The following FBXO36 variants were observed in gnomAD, a reference collection of about 807,000 sequenced individuals.
FBXO36 encodes the protein F-box protein 36.
FBXO36 carries 18 observed loss-of-function variants against 17.0 expected under a neutral mutation model. That is an observed-to-expected ratio of 1.06 (90% CI 0.73 to 1.57). The LOEUF (loss-of-function observed/expected upper bound fraction) is 1.57, where lower values mean the gene tolerates loss of function less well. FBXO36 is among the 40% of genes most tolerant of loss of function. FBXO36 has a pLI of 0.00. For missense variants in FBXO36, 229 were observed against 221.9 expected (o/e 1.03, Z -0.20); for synonymous variants, 83 against 85.3 (o/e 0.97, Z 0.15).
At chr2:229,981,854 C>G (rs2077242211) in intron 2 of FBXO36, among the ~76,000 whole-genome samples, 1 of 151,932 alleles carries the variant, frequency 6.6e-6, no homozygotes, top group African/African-American at 2.4e-5. Context: ...GTTTAATTGG[C>G]TCATGGTTTT....
intron 1 of FBXO36, among the ~76,000 whole-genome samples, chr2:229,942,515 T>A (rs2077004726): frequency 6.6e-6 from 1 of 152,180 alleles, no homozygotes; most frequent in Non-Finnish European, 1.5e-5. Context: ...TTAGAAGTCA[T>A]GGCTGCTGAG....
At chr2:229,962,887 G>A (rs968634024) in intron 1 of FBXO36, among the ~76,000 whole-genome samples, 9 of 151,598 alleles carry the variant, frequency 5.9e-5, no homozygotes, top group Admixed American at 2.6e-4. Flanking sequence ...ATGTTAGCCA[G>A]GCTGGTCTCA....
intron 2 of FBXO36, among the ~76,000 whole-genome samples, chr2:229,987,065 A>T (rs1282003835): frequency 2.0e-5 from 3 of 151,552 alleles, no homozygotes; most frequent in Non-Finnish European, 4.4e-5. Context: ...TAAAAATATA[A>T]AAAAATTAGC....
At chr2:229,999,785 A>G (rs1343693238) in intron 3 of FBXO36, among the ~76,000 whole-genome samples, 2 of 152,012 alleles carry the variant, frequency 1.3e-5, no homozygotes, top group Admixed American at 6.6e-5. Context: ...TTTTTTGTAC[A>G]GATTATTTAA....
At chr2:229,988,949 A>ATATTATCTGCAT (rs1258155127) in intron 2 of FBXO36, among the ~76,000 whole-genome samples, 1 of 151,374 alleles carries the variant, frequency 6.6e-6, no homozygotes, top group African/African-American at 2.4e-5. Flanking sequence ...ATCTGCATAT[A>ATATTATCTGCAT]ATATTTCTTT....
intron 2 of FBXO36, among the ~76,000 whole-genome samples, chr2:229,982,825 A>G (rs1040728709): frequency 1.3e-5 from 2 of 150,696 alleles, no homozygotes; most frequent in Non-Finnish European, 2.9e-5. Flanking sequence ...TCACATCTGC[A>G]CAGTTACTTT....
intron 1 of FBXO36, among the ~76,000 whole-genome samples, chr2:229,949,075 C>T (rs192766680): frequency 1.3e-5 from 2 of 152,252 alleles, no homozygotes; most frequent in East Asian, 1.9e-4. Context: ...CCTCGTGATC[C>T]GCCCGCCTTG....
chr2:229,936,158 C>T (rs2076962774), intron 1 of FBXO36, among the ~76,000 whole-genome samples: 1 of 152,158 alleles, frequency 6.6e-6, no homozygotes, highest in Admixed American at 6.5e-5. Flanking sequence ...GCACTCCAGC[C>T]TGGGCAACAA....
At chr2:229,931,260 G>A (rs1343569087) in intron 1 of FBXO36, among the ~76,000 whole-genome samples, 1 of 152,172 alleles carries the variant, frequency 6.6e-6, no homozygotes, top group African/African-American at 2.4e-5. Context: ...CATAGTTCCA[G>A]TATCACCTTT....
chr2:229,971,214 G>A (rs749084976), intron 1 of FBXO36, among the ~76,000 whole-genome samples: 1 of 151,992 alleles, frequency 6.6e-6, no homozygotes, highest in Non-Finnish European at 1.5e-5. Flanking sequence ...AATTAGCCAG[G>A]CATGGTGGTG....
intron 1 of FBXO36, among the ~76,000 whole-genome samples, chr2:229,946,119 G>T (rs1490219554): frequency 6.6e-6 from 1 of 152,110 alleles, no homozygotes; most frequent in Non-Finnish European, 1.5e-5. Context: ...GGTTGTGGTG[G>T]AGGGAAGGAA....
chr2:229,998,252 G>T (rs1454887084), intron 3 of FBXO36, among the ~76,000 whole-genome samples: 1 of 151,964 alleles, frequency 6.6e-6, no homozygotes, highest in Non-Finnish European at 1.5e-5. Flanking sequence ...AGGGAGGATT[G>T]GTTGAGCCTA....
At chr2:229,978,066 A>G (rs2077219258) in intron 2 of FBXO36, among the ~76,000 whole-genome samples, 1 of 152,140 alleles carries the variant, frequency 6.6e-6, no homozygotes, top group South Asian at 2.1e-4. Flanking sequence ...AGCCTTGGCA[A>G]CAGAGTGAGA....
chr2:229,922,539 T>C lies in FBXO36; in HGVS notation c.26T>C (p.Leu9Pro). ...ATGGCGTCGTGGCTGCCGGAGACTC[T>C]CTTTGAAACTGTAGGACAAGGCCCG... MASWLPETLFETVGQGPPP... is the reference protein window; with the variant it reads MASWLPETPFETVGQGPPP... The change falls in exon 1 of 4, where the codon CTC becomes CCC. Residue 9 changes from leucine to proline, a missense_variant. Leu to Pro is a moderately conservative substitution (Grantham distance 98, BLOSUM62 -3). Transcript: ENST00000283946. The C allele has an allele frequency of 6.2e-7, 1 of 1,613,936 alleles. No homozygotes were observed. Among genetic ancestry groups the C allele is most frequent in the Non-Finnish European group, 8.5e-7 (1 of 1,179,984 alleles).
intron 1 of FBXO36, among the ~76,000 whole-genome samples, chr2:229,927,379 G>C (rs2076918775): frequency 6.6e-6 from 1 of 152,018 alleles, no homozygotes; most frequent in African/African-American, 2.4e-5. Context: ...TTTAGAAGAA[G>C]CAAAAAATCA....
At chr2:229,933,070 C>A (rs2076947406) in intron 1 of FBXO36, among the ~76,000 whole-genome samples, 1 of 151,610 alleles carries the variant, frequency 6.6e-6, no homozygotes, top group Non-Finnish European at 1.5e-5. Flanking sequence ...GATTCCGTCT[C>A]AAAAAAAGAA....
At chr2:229,934,000 A>C (rs1445637915) in intron 1 of FBXO36, among the ~76,000 whole-genome samples, 1 of 152,110 alleles carries the variant, frequency 6.6e-6, no homozygotes, top group African/African-American at 2.4e-5. Flanking sequence ...TTTAAAAAAA[A>C]ATACACAAAC....
At chr2:229,952,556 A>G (rs2077062419) in intron 1 of FBXO36, among the ~76,000 whole-genome samples, 1 of 152,170 alleles carries the variant, frequency 6.6e-6, no homozygotes, top group African/African-American at 2.4e-5. Flanking sequence ...GTGGCTGAGC[A>G]AACCTCCGCC....
chr2:229,996,776 A>G lies in FBXO36; in HGVS notation c.231A>G (p.Ala77=). ...LQGQTALIFG[A]RILDYVINLC... is the part of the protein sequence containing the mutation. ...GTCAAACTGCCTTAATATTTGGTGC[A>G]AGAATATTAGACTATGTCATCAATT... Residue 77 remains alanine, a synonymous_variant, in exon 3 of 4, where the codon GCA becomes GCG. Coordinates refer to ENST00000283946, the MANE Select transcript of FBXO36 (RefSeq NM_174899.5). 1.9e-6 allele frequency: 3 copies of G among 1,611,892 alleles called. No individual in the cohort carries two copies. Among genetic ancestry groups the G allele is most frequent in the Non-Finnish European group, 2.5e-6 (3 of 1,179,706 alleles).
Sources: gnomAD v4.1 joint callset for allele counts (sites outside exome capture counted in the v4.1 genomes callset) on GRCh38, gnomAD v4.1.1 for gene constraint, MANE v1.5 for transcripts, NCBI Gene and HGNC (gene_info 2026-07-23, HGNC 2026-07-21) for gene names.